The following SPATA21 variants were observed in gnomAD, a reference collection of about 807,000 sequenced individuals.
SPATA21 encodes spermatogenesis-associated protein 21.
A neutral mutation model predicts 54.8 loss-of-function variants in SPATA21; 47 were observed. The ratio of observed to expected loss-of-function variants is 0.86; its 90% CI spans 0.68 to 1.09. SPATA21 has a LOEUF of 1.09. SPATA21 is among the 50% of genes least tolerant of loss of function. The pLI, the probability that SPATA21 is intolerant of heterozygous loss-of-function variation, is 0.00. For missense variants in SPATA21, 599 were observed against 596.4 expected (o/e 1.00, Z -0.05); for synonymous variants, 245 against 235.3 (o/e 1.04, Z -0.38).
At position 16,409,538 on chromosome 1, in the gene SPATA21, C is replaced by T. The variant is rs527355013; in HGVS notation, c.587+63G>A. 2.4e-4 allele frequency: 361 copies of T among 1,529,010 alleles called. No individual in the cohort carries two copies. Among genetic ancestry groups the T allele is most frequent in the Non-Finnish European group, 2.9e-4 (334 of 1,134,874 alleles). The allele number at this position is 1,529,010 out of a possible 1,614,324, so 94.7% of individuals were successfully genotyped here. On this transcript the variant is annotated intron_variant, in intron 6 of 12. Transcript: ENST00000335496. This position sits in a 1 kb window ranked among gnomAD's most constrained non-coding sequence, Gnocchi z 4.1. The stretch of plus-strand genomic sequence containing the variant: ...AGGTGCAGGGACAGGGACCTGCATC[C>T]GGGACAAGGCTCTGATCTTGGGGCC...
At chr1:16,432,636 C>T (rs2086487877) in intron 2 of SPATA21, among the ~76,000 whole-genome samples, 154 bp downstream of exon 2, 1 of 152,154 alleles carries the variant, frequency 6.6e-6, no homozygotes, top group African/African-American at 2.4e-5. Flanking sequence ...TCCAAGTTTC[C>T]AACCATCTCA....
chr1:16,409,551 T>C lies in SPATA21; in HGVS notation c.587+50A>G. The C allele has an allele frequency of 6.4e-7, 1 of 1,563,456 alleles. No individual in the cohort carries two copies. The highest frequency in any genetic ancestry group is 1.2e-5 in the South Asian group (1 of 85,642). ...GGGACCTGCATCCGGGACAAGGCTCTGATCTTGGGGCCTTTCAGGAGCGGG... is the reference window on the plus strand; with the variant it reads ...GGGACCTGCATCCGGGACAAGGCTCCGATCTTGGGGCCTTTCAGGAGCGGG... On this transcript the variant is annotated intron_variant, in intron 6 of 12. Coordinates refer to ENST00000335496, the MANE Select transcript of SPATA21 (RefSeq NM_198546.1). The surrounding 1 kb of genome is among the most constrained non-coding windows in gnomAD (Gnocchi z 4.1).
Position 16,409,311 on chromosome 1 carries a change from TG to T in SPATA21, c.588-109del. 8.2e-7 allele frequency: 1 copy of T among 1,215,314 alleles called. No homozygotes were observed. Among genetic ancestry groups the T allele is most frequent in the Non-Finnish European group, 1.2e-6 (1 of 845,010 alleles). 75.3% of individuals were successfully genotyped at this position (1,215,314 alleles called of 1,614,324 possible). A position where few individuals can be genotyped will look rare whatever the true frequency, so the allele number is the denominator to read the frequency against. ...CAGGAGGAGGTCGTGGGGGAGGCTT[TG>T]GGGAGCCCGGAGAGATCAAGAATGG... On this transcript the variant is annotated intron_variant, in intron 6 of 12. Transcript: ENST00000335496. This position sits in a 1 kb window ranked among gnomAD's most constrained non-coding sequence, Gnocchi z 4.1.
chr1:16,402,375 C>A (rs2085479312), intron 10 of SPATA21, among the ~76,000 whole-genome samples: 1 of 148,290 alleles, frequency 6.7e-6, no homozygotes, highest in African/African-American at 2.5e-5. Context: ...CATTCTCCTG[C>A]CTCAGCCTCC....
At chr1:16,426,772 G>T (rs1379967773) in intron 3 of SPATA21, among the ~76,000 whole-genome samples, 5 of 151,652 alleles carry the variant, frequency 3.3e-5, no homozygotes, top group Admixed American at 2.0e-4. Flanking sequence ...TAGAGATGGG[G>T]TTTTGCCATG....
Position 16,432,910 on chromosome 1 carries a change from AG to A in SPATA21, c.-173del, listed in dbSNP as rs1410194565. 7 of 152,228 alleles carry A rather than the reference AG, an allele frequency of 4.6e-5. No homozygotes were observed. Among genetic ancestry groups the A allele is most frequent in the African/African-American group, 1.7e-4 (7 of 41,456 alleles). 9.4% of individuals were successfully genotyped at this position (152,228 alleles called of 1,614,324 possible). ...CAGTATTCTCCTAACAGCCCTGTGA[AG>A]TCTGGGTTCAGCCCTGTTTTAAAGA... On this transcript the variant is annotated 5_prime_UTR_variant, in exon 2 of 13. Coordinates refer to ENST00000335496, the MANE Select transcript of SPATA21 (RefSeq NM_198546.1).
At chr1:16,423,210 C>T (rs1295348062) in intron 3 of SPATA21, among the ~76,000 whole-genome samples, 1 of 148,786 alleles carries the variant, frequency 6.7e-6, no homozygotes, top group Non-Finnish European at 1.5e-5. Context: ...ATTAGGAGTT[C>T]AGGACCAGCC....
Position 16,426,581 on chromosome 1 carries a change from T to TATA in SPATA21, c.35-4611_35-4610insTAT, listed in dbSNP as rs1341237564. On this transcript the variant is annotated intron_variant, in intron 3 of 12. Coordinates refer to ENST00000335496, the MANE Select transcript of SPATA21 (RefSeq NM_198546.1). Reference sequence around the variant, plus strand: ...GCTATATATATATATATATATATATTTTTTTTTTTTTTTTTTGAGACAGAA... The same window carrying TATA: ...GCTATATATATATATATATATATATTATATTTTTTTTTTTTTTTTGAGACAGAA... Among the ~76,000 whole-genome samples, 507 of 67,610 alleles carry TATA rather than the reference T, an allele frequency of 7.5e-3. 1 individual carries two copies. Among genetic ancestry groups the TATA allele is most frequent in the African/African-American group, 0.024 (413 of 17,462 alleles). The allele number at this position is 67,610 out of a possible 152,430, so 44.4% of individuals were successfully genotyped here.
chr1:16,411,317 G>C (rs2085836480), intron 5 of SPATA21, among the ~76,000 whole-genome samples: 1 of 152,084 alleles, frequency 6.6e-6, no homozygotes, highest in Admixed American at 6.5e-5. Flanking sequence ...CTCCCAAGTA[G>C]CTGGGACTAC....
At chr1:16,422,372 T>C (rs1032869289) in intron 3 of SPATA21, among the ~76,000 whole-genome samples, 1 of 152,068 alleles carries the variant, frequency 6.6e-6, no homozygotes, top group Admixed American at 6.6e-5. Flanking sequence ...ACTCCCACAT[T>C]TTGAAGGGTG....
chr1:16,410,668 C>T (rs141879119), intron 5 of SPATA21: 9,710 of 205,856 alleles, frequency 0.047, 334 homozygotes, highest in Non-Finnish European at 0.068. Context: ...GCCTCAGCCT[C>T]CCAAAGTGCT....
chr1:16,411,812 AAC>A lies in SPATA21; in HGVS notation c.145-1771_145-1770del, dbSNP rs2085859117. The stretch of plus-strand genomic sequence containing the variant: ...CTCAAAAAAAAAAAAAAAAAAACAA[AAC>A]AAAACAAAGTCTCCTGATACCACCC... On this transcript the variant is annotated intron_variant, in intron 5 of 12. Transcript: ENST00000335496. 2.4e-5 allele frequency among the ~76,000 whole-genome samples: 3 copies of A among 125,554 alleles called. 1 individual carries two copies. Among genetic ancestry groups the A allele is most frequent in the Admixed American group, 2.3e-4 (3 of 12,958 alleles). 82.4% of individuals were successfully genotyped at this position (125,554 alleles called of 152,430 possible).
In SPATA21 at chr1:16,431,419, G is replaced by T; in HGVS notation, c.-48C>A. On this transcript the variant is annotated 5_prime_UTR_variant, in exon 3 of 13. Transcript: ENST00000335496. Reference sequence around the variant, plus strand: ...CCAAGTGAGGGGCATCACCTAGTGTGCTCCTACAGGAGAAATCCAATCAAG... The same window carrying T: ...CCAAGTGAGGGGCATCACCTAGTGTTCTCCTACAGGAGAAATCCAATCAAG... 6.2e-7 allele frequency: 1 copy of T among 1,610,556 alleles called. No homozygotes were observed. Among genetic ancestry groups the T allele is most frequent in the Non-Finnish European group, 8.5e-7 (1 of 1,178,134 alleles).
At chr1:16,398,126 T>C (rs1438171168), downstream of SPATA21, 1 of 534,818 alleles carries the variant, frequency 1.9e-6, no homozygotes, top group African/African-American at 2.1e-5. Flanking sequence ...GTATTTTAAA[T>C]ACATGTTTTA....
chr1:16,411,707 A>C (rs763854104), intron 5 of SPATA21, among the ~76,000 whole-genome samples: 3 of 150,268 alleles, frequency 2.0e-5, no homozygotes, highest in Non-Finnish European at 4.4e-5. Flanking sequence ...GGAGAATGGC[A>C]TGAACCCAGG....
intron 3 of SPATA21, chr1:16,422,221 G>A (rs752485212): frequency 3.5e-6 from 5 of 1,413,452 alleles, no homozygotes; most frequent in Non-Finnish European, 4.6e-6. Flanking sequence ...CACCACGGCT[G>A]GGGAGCTCCA....
chr1:16,398,651 T>C lies in SPATA21; in HGVS notation c.*114A>G. ...GCAAGAGGCACAGAGGCTGAAGTTA[T>C]TGGTGTTTATTAGCTCACCAGGCCA... On this transcript the variant is annotated 3_prime_UTR_variant, in exon 13 of 13. Transcript: ENST00000335496. 10 of 1,146,848 alleles carry C rather than the reference T, an allele frequency of 8.7e-6. No individual in the cohort carries two copies. Among genetic ancestry groups the C allele is most frequent in the South Asian group, 5.3e-5 (4 of 75,914 alleles). The allele number at this position is 1,146,848 out of a possible 1,614,324, so 71.0% of individuals were successfully genotyped here. A position where few individuals can be genotyped will look rare whatever the true frequency, so the allele number is the denominator to read the frequency against.
chr1:16,407,146 C>T (rs1038099946), intron 7 of SPATA21, among the ~76,000 whole-genome samples: 6 of 152,212 alleles, frequency 3.9e-5, no homozygotes, highest in Admixed American at 2.0e-4. Context: ...ACAAACAGCG[C>T]TGAATGGTAG....
chr1:16,403,781 G>A lies in SPATA21; in HGVS notation c.947C>T (p.Ser316Phe), dbSNP rs76628633. The change falls in exon 10 of 13, where the codon TCC becomes TTC. Residue 316 changes from serine to phenylalanine, a missense_variant. Physicochemically the swap from Ser to Phe is radical, Grantham distance 155 (BLOSUM62 -2). Coordinates refer to ENST00000335496, the MANE Select transcript of SPATA21 (RefSeq NM_198546.1). ...NPHTLLFEILSLLVEMLALPE... is the reference protein window; with the variant it reads ...NPHTLLFEILFLLVEMLALPE... ...TAAGGCCAGCATCTCTACCAGCAGG[G>A]ACAGGATCTCAAAGAGTAGAGTGTG... The A allele has an allele frequency of 4.5e-5, 72 of 1,613,688 alleles. No homozygotes were observed. The East Asian group carries it at 1.6e-3, about 36-fold the overall frequency.
Sources: allele counts gnomAD v4.1 joint callset (sites outside exome capture counted in the v4.1 genomes callset), GRCh38; gene constraint gnomAD v4.1.1; non-coding constraint Gnocchi (gnomAD v3.1); transcripts MANE v1.5; gene names NCBI Gene and HGNC (gene_info 2026-07-23, HGNC 2026-07-21).